The following PRDM4 variants were observed in gnomAD, a reference collection of about 807,000 sequenced individuals.
PRDM4 encodes PR domain zinc finger protein 4.
In PRDM4, 38 loss-of-function variants were observed where a neutral mutation model predicts 62.3. That is an observed-to-expected ratio of 0.61 (90% CI 0.47 to 0.80). The LOEUF (loss-of-function observed/expected upper bound fraction) is 0.80. PRDM4 is among the 30% of genes least tolerant of loss of function. The probability of loss-of-function intolerance (pLI) is 0.00; values close to 1 mark genes in which losing one functional copy is unlikely to be tolerated. For synonymous variants in PRDM4, 339 were observed against 348.2 expected (o/e 0.97, Z 0.30); for missense variants, 858 against 997.1 (o/e 0.86, Z 1.88).
chr12:107,750,473 G>C (rs1890853200), intron 5 of PRDM4, among the ~76,000 whole-genome samples: 1 of 152,086 alleles, frequency 6.6e-6, no homozygotes, highest in Non-Finnish European at 1.5e-5. Flanking sequence ...GAGCCCAGGA[G>C]GTCGAGGCTA....
At chr12:107,735,144 G>A (rs1295083136) in intron 11 of PRDM4, among the ~76,000 whole-genome samples, 2 of 152,094 alleles carry the variant, frequency 1.3e-5, no homozygotes, top group Non-Finnish European at 2.9e-5. Context: ...GGGACTACAG[G>A]TGCATGCCAC....
At position 107,760,689 on chromosome 12, in the gene PRDM4, C is replaced by T; in HGVS notation, c.-174G>A. On this transcript the variant is annotated 5_prime_UTR_variant, in exon 2 of 12. Transcript: ENST00000228437. The stretch of plus-strand genomic sequence containing the variant: ...CCAACTTCTCCCGAGGGCCGGTGGC[C>T]GTGCACCCCGCCACGGGTTGGGGCA... The T allele has an allele frequency of 1.5e-6, 1 of 688,904 alleles. No homozygotes were observed. The highest frequency in any genetic ancestry group is 2.4e-6 in the Non-Finnish European group (1 of 417,786). The allele number at this position is 688,904 out of a possible 1,614,324, so 42.7% of individuals were successfully genotyped here. A position where few individuals can be genotyped will look rare whatever the true frequency, so the allele number is the denominator to read the frequency against.
chr12:107,737,236 T>A (rs1460904101), intron 11 of PRDM4, among the ~76,000 whole-genome samples: 1 of 152,124 alleles, frequency 6.6e-6, no homozygotes, highest in Non-Finnish European at 1.5e-5. Context: ...GTAGCTGTTT[T>A]TTTTAAGTAG....
chr12:107,744,897 T>C (rs1468504122), intron 6 of PRDM4, among the ~76,000 whole-genome samples: 1 of 151,698 alleles, frequency 6.6e-6, no homozygotes, highest in African/African-American at 2.4e-5. Context: ...CGGTCTCTAC[T>C]AAAAATACAA....
At chr12:107,737,404 T>C (rs75906179) in intron 11 of PRDM4, among the ~76,000 whole-genome samples, 8,002 of 152,246 alleles carry the variant, frequency 0.053, 716 homozygotes, top group African/African-American at 0.18. Context: ...GAATGACTTA[T>C]ACCAGCTTTA....
chr12:107,756,844 T>C lies in PRDM4; in HGVS notation c.133A>G (p.Ile45Val). The C allele has an allele frequency of 6.2e-7, 1 of 1,614,094 alleles. No individual in the cohort carries two copies. Among genetic ancestry groups the C allele is most frequent in the Non-Finnish European group, 8.5e-7 (1 of 1,179,994 alleles). ...GLAASPTHSAIPAPGLPVAIP... is the reference protein window; with the variant it reads ...GLAASPTHSAVPAPGLPVAIP... The stretch of plus-strand genomic sequence containing the variant: ...CCTTACCACTCACCTGGGGCAGGGA[T>C]GGCACTGTGAGTGGGTGAGGCAGCC... The change falls in exon 3 of 12, where the codon ATC (isoleucine) becomes GTC (valine). Residue 45 changes from isoleucine to valine, a missense_variant. Coordinates refer to ENST00000228437, the MANE Select transcript of PRDM4 (RefSeq NM_012406.4).
At chr12:107,749,727 A>G (rs542010895) in intron 5 of PRDM4, among the ~76,000 whole-genome samples, 24 of 152,022 alleles carry the variant, frequency 1.6e-4, no homozygotes, top group African/African-American at 3.1e-4. Flanking sequence ...ATAAATTATG[A>G]TATCTTCCAC....
At chr12:107,758,526 A>G (rs1235062027) in intron 2 of PRDM4, 5 of 152,184 alleles carry the variant, frequency 3.3e-5, no homozygotes, top group Non-Finnish European at 7.4e-5. Flanking sequence ...CAATGATGCT[A>G]GGAAACTTAA....
intron 5 of PRDM4, among the ~76,000 whole-genome samples, chr12:107,748,199 T>A (rs553361423): frequency 1.1e-3 from 165 of 151,816 alleles, no homozygotes; most frequent in African/African-American, 3.6e-3. Context: ...AAAAAATAAA[T>A]AAATAAAAAT....
At position 107,751,680 on chromosome 12, in the gene PRDM4, G is replaced by A. The variant is rs1352356361; in HGVS notation, c.861C>T (p.Asp287=). 1 of 1,614,174 alleles carries A rather than the reference G, an allele frequency of 6.2e-7. No homozygotes were observed. The highest frequency in any genetic ancestry group is 8.5e-7 in the Non-Finnish European group (1 of 1,180,022). Residue 287 remains aspartate (D), a synonymous_variant, in exon 5 of 12, where the codon GAC becomes GAT. Coordinates refer to ENST00000228437, the MANE Select transcript of PRDM4 (RefSeq NM_012406.4). ...TGCTCATGGCCACAGTGTGAATGGA[G>A]TCACTGAGGGCACTGTCAGACATGC... ...VNGMSDSALS[D]SIHTVAMSTN... is the part of the protein sequence containing the mutation.
intron 10 of PRDM4, 87 bp from the exon 11 acceptor site, chr12:107,739,638 G>C: frequency 7.3e-7 from 1 of 1,377,658 alleles, no homozygotes; most frequent in Non-Finnish European, 9.9e-7. Context: ...GCATGCAGCA[G>C]AGGCAGGAAT....
chr12:107,755,570 T>G (rs982276217), intron 3 of PRDM4, among the ~76,000 whole-genome samples: 1 of 152,198 alleles, frequency 6.6e-6, no homozygotes, highest in Non-Finnish European at 1.5e-5. Context: ...CTGCTGCATT[T>G]TATTAATTAA....
At chr12:107,734,635 C>T in intron 11 of PRDM4, 113 bp from the exon 12 acceptor site, 1 of 982,814 alleles carries the variant, frequency 1.0e-6, no homozygotes, top group Non-Finnish European at 1.5e-6. Flanking sequence ...CCTTCTGAAT[C>T]AGGCTTTTGC....
chr12:107,742,433 T>G, intron 8 of PRDM4, 85 bp from the exon 9 acceptor site: 1 of 1,452,426 alleles, frequency 6.9e-7, no homozygotes. Context: ...AAATCCTATA[T>G]GAAAGCTTAG....
intron 4 of PRDM4, among the ~76,000 whole-genome samples, chr12:107,753,073 T>TAG (rs1890947474): frequency 6.6e-6 from 1 of 152,136 alleles, no homozygotes; most frequent in Non-Finnish European, 1.5e-5. Flanking sequence ...GACAATCGTA[T>TAG]AGAAAGTATG....
rs747874288 is a variant in PRDM4, at chr12:107,756,900, G to A, written c.77C>T (p.Ala26Val). Reference protein sequence around the residue: ...EQLTSSSVSNALPVSGSHLGL... With the variant: ...EQLTSSSVSNVLPVSGSHLGL... ...CAGGTGACTTCCTGAGACTGGCAAG[G>A]CATTGCTCACAGAGGATGAAGTCAG... Residue 26 changes from alanine to valine, a missense_variant, in exon 3 of 12, where the codon GCC becomes GTC. Physicochemically the swap from Ala to Val is moderately conservative, Grantham distance 64 (BLOSUM62 0). Around this residue, in one of 3 missense-constraint regions of PRDM4, gnomAD observed 499 missense variants for 546.7 expected, o/e 0.91. Transcript: ENST00000228437. 6 of 1,614,112 alleles carry A rather than the reference G, an allele frequency of 3.7e-6. No individual in the cohort carries two copies. The African/African-American group carries it at 4.0e-5, about 11-fold the overall frequency.
chr12:107,751,922 C>T lies in PRDM4; in HGVS notation c.619G>A (p.Asp207Asn), dbSNP rs1192775056. ...ATCGTAAGCTCCTCTGCCATTCCAT[C>T]TGTCGAAATTGGGCTGGTAACCCTA... The part of the protein sequence containing the change: ...VSRVTSPIST[D>N]GMAEELTMDG... The change falls in exon 5 of 12, where the codon GAT becomes AAT. Residue 207 changes from aspartate to asparagine, a missense_variant. By Grantham distance (23) the Asp-to-Asn change is conservative (BLOSUM62 1). Around this residue, in one of 3 missense-constraint regions of PRDM4, gnomAD observed 499 missense variants for 546.7 expected, o/e 0.91. Coordinates refer to ENST00000228437, the MANE Select transcript of PRDM4 (RefSeq NM_012406.4). The T allele has an allele frequency of 6.2e-7, 1 of 1,614,128 alleles. No individual in the cohort carries two copies. Among genetic ancestry groups the T allele is most frequent in the Non-Finnish European group, 8.5e-7 (1 of 1,180,060 alleles).
rs1045739 is a variant in PRDM4, at chr12:107,734,001, C to T, written c.*209G>A. The T allele has an allele frequency of 0.34, 183,110 of 532,060 alleles. 35,755 individuals carry two copies. The highest frequency in any genetic ancestry group is 0.42 in the Middle Eastern group (854 of 2,032). The allele number at this position is 532,060 out of a possible 1,614,324, so 33.0% of individuals were successfully genotyped here. On this transcript the variant is annotated 3_prime_UTR_variant, in exon 12 of 12. Coordinates refer to ENST00000228437, the MANE Select transcript of PRDM4 (RefSeq NM_012406.4). ...TTCCCTCCCAGTCCACCACTTAAAACAGGACACATGCTCAGTTTTCCCAAT... is the reference window on the plus strand; with the variant it reads ...TTCCCTCCCAGTCCACCACTTAAAATAGGACACATGCTCAGTTTTCCCAAT...
rs897707823 is a variant in PRDM4 at position 107,733,299 on chromosome 12, A to C, written c.*911T>G. ...AGTTGGCAATGTTTTAACACTTTTC[A>C]TAAGGTAAATGAAACATAAAAGATT... On this transcript the variant is annotated 3_prime_UTR_variant, in exon 12 of 12. Coordinates refer to ENST00000228437, the MANE Select transcript of PRDM4 (RefSeq NM_012406.4). The C allele has an allele frequency of 6.6e-6, 1 of 152,268 alleles. No individual in the cohort carries two copies. The highest frequency in any genetic ancestry group is 2.4e-5 in the African/African-American group (1 of 41,478). 9.4% of individuals were successfully genotyped at this position (152,268 alleles called of 1,614,324 possible).
Sources: gnomAD v4.1 joint callset for allele counts (sites outside exome capture counted in the v4.1 genomes callset) on GRCh38, gnomAD v4.1.1 for gene constraint, gnomAD v4.1.1 regional missense constraint, MANE v1.5 for transcripts, NCBI Gene and HGNC (gene_info 2026-07-23, HGNC 2026-07-21) for gene names.